TMED3: variants seen among roughly 807,000 people sequenced by gnomAD.
The protein encoded by TMED3 is transmembrane p24 trafficking protein 3.
Under a neutral mutation model 15.0 loss-of-function variants are expected in TMED3, and 9 were observed. That is an observed-to-expected ratio of 0.60 (90% CI 0.36 to 1.04). The LOEUF is 1.04. Among genes scored for constraint, TMED3 ranks in the 50% least tolerant of loss-of-function variants. The pLI is 0.01. For synonymous variants in TMED3, 117 were observed against 121.4 expected, an observed-to-expected ratio of 0.96 and a Z score of 0.24; for missense variants, 267 against 278.9, an observed-to-expected ratio of 0.96 and a Z score of 0.30.
chr15:79,407,442 C>T (rs1017351972), intron 2 of TMED3, among the ~76,000 whole-genome samples: 1 of 152,160 alleles, frequency 6.6e-6, no homozygotes, highest in East Asian at 1.9e-4. Flanking sequence ...TGGACTATTT[C>T]TTCCCAAAGT....
At chr15:79,403,220 CAAAAAAAA>C (rs71150908) in intron 2 of TMED3, among the ~76,000 whole-genome samples, 5 of 65,418 alleles carry the variant, frequency 7.6e-5, no homozygotes, top group African/African-American at 1.5e-4. Flanking sequence ...GACTCTGTCT[CAAAAAAAA>C]AAAAAAAAAA....
chr15:79,407,511 A>G (rs1167006336), intron 2 of TMED3, among the ~76,000 whole-genome samples: 1 of 152,168 alleles, frequency 6.6e-6, no homozygotes, highest in Admixed American at 6.5e-5. Flanking sequence ...GTTGATCTGG[A>G]GGCAATGAGG....
chr15:79,401,214 A>G (rs141504500), intron 2 of TMED3, among the ~76,000 whole-genome samples: 85 of 152,370 alleles, frequency 5.6e-4, no homozygotes, highest in African/African-American at 1.9e-3. Context: ...GTATGATTGA[A>G]TGAATGAAAT....
chr15:79,400,661 A>G (rs1485236703), intron 2 of TMED3, among the ~76,000 whole-genome samples: 1 of 152,184 alleles, frequency 6.6e-6, no homozygotes, highest in Non-Finnish European at 1.5e-5. Flanking sequence ...TTTTAGTACA[A>G]TTTTGTGTAT....
intron 1 of TMED3, among the ~76,000 whole-genome samples, chr15:79,312,157 A>G (rs2058718558): frequency 6.6e-6 from 1 of 152,202 alleles, no homozygotes. Flanking sequence ...TCAGACAGCT[A>G]TCTGCTTGTG....
At chr15:79,314,072 C>G in intron 2 of TMED3, 67 bp downstream of exon 2, 3 of 1,576,418 alleles carry the variant, frequency 1.9e-6, no homozygotes, top group East Asian at 4.5e-5. Context: ...TGGCCTCTGT[C>G]TAGGCTGGTG....
At chr15:79,317,219 G>A (rs1047745157) in intron 2 of TMED3, among the ~76,000 whole-genome samples, 2 of 152,186 alleles carry the variant, frequency 1.3e-5, no homozygotes, top group Non-Finnish European at 2.9e-5. Flanking sequence ...TGCAGTCTCC[G>A]TGCCGGTTTC....
intron 2 of TMED3, among the ~76,000 whole-genome samples, chr15:79,341,227 A>G (rs955661993): frequency 2.8e-4 from 3 of 10,862 alleles, no homozygotes; most frequent in African/African-American, 1.3e-3. Flanking sequence ...AAGGTGAAGA[A>G]AGAAAGCCAG....
chr15:79,404,861 C>T (rs1893882166), intron 2 of TMED3, among the ~76,000 whole-genome samples: 2 of 152,228 alleles, frequency 1.3e-5, no homozygotes, highest in South Asian at 4.1e-4. Flanking sequence ...CTTTGTTTAG[C>T]ATCAACATAA....
intron 2 of TMED3, among the ~76,000 whole-genome samples, chr15:79,353,312 T>C (rs1181348094): frequency 2.5e-5 from 1 of 39,590 alleles, no homozygotes; most frequent in Non-Finnish European, 6.5e-5. Context: ...ATATATTATA[T>C]ATATAATATA....
At chr15:79,332,124 A>C (rs1219694474) in intron 2 of TMED3, among the ~76,000 whole-genome samples, 3 of 152,234 alleles carry the variant, frequency 2.0e-5, no homozygotes, top group Non-Finnish European at 2.9e-5. Flanking sequence ...CCAAATGAAA[A>C]GTGAGGCAAT....
chr15:79,369,372 C>A (rs182550996), intron 2 of TMED3, among the ~76,000 whole-genome samples: 8 of 152,152 alleles, frequency 5.3e-5, no homozygotes, highest in Non-Finnish European at 1.0e-4. Flanking sequence ...CTAGCTTGAC[C>A]GCCTGGTAAG....
chr15:79,361,021 T>G (rs1420938628), intron 2 of TMED3, among the ~76,000 whole-genome samples: 1 of 149,140 alleles, frequency 6.7e-6, no homozygotes. Flanking sequence ...GCTAATTGTG[T>G]TTTATTTTTA....
Position 79,313,985 on chromosome 15 carries a change from A to G in TMED3, c.397A>G (p.Arg133Gly). 1.2e-6 allele frequency: 2 copies of G among 1,614,090 alleles called. No individual in the cohort carries two copies. Among genetic ancestry groups the G allele is most frequent in the South Asian group, 1.1e-5 (1 of 91,068 alleles). ...TCCCATTCTCCCAGACATGGGGAAC[A>G]GGGTCACAGCTCTCACCCAGGTGAG... ...EPPILPDMGN[R>G]VTALTQMESA... Residue 133 changes from arginine (R) to glycine (G), a missense_variant, in exon 2 of 3, where the codon AGG (arginine) becomes GGG (glycine). By Grantham distance (125) the Arg-to-Gly change is moderately radical. Coordinates refer to ENST00000299705, the MANE Select transcript of TMED3 (RefSeq NM_007364.4).
chr15:79,393,335 G>GCTA (rs1893720811), intron 2 of TMED3, among the ~76,000 whole-genome samples: 1 of 152,172 alleles, frequency 6.6e-6, no homozygotes, highest in Non-Finnish European at 1.5e-5. Flanking sequence ...AAACTGAGTA[G>GCTA]CTACTATCTG....
intron 2 of TMED3, among the ~76,000 whole-genome samples, chr15:79,369,094 A>C (rs944268442): frequency 4.2e-5 from 4 of 94,356 alleles, no homozygotes; most frequent in African/African-American, 2.0e-4. Context: ...ACTCTGTCTT[A>C]AAAAAAAAAA....
intron 2 of TMED3, chr15:79,383,119 T>G (rs2141250429): frequency 8.4e-7 from 1 of 1,196,800 alleles, no homozygotes; most frequent in East Asian, 2.5e-5. Context: ...ACCCACAGCT[T>G]TACTGCCATG....
chr15:79,395,973 A>G (rs1893757386), intron 2 of TMED3, among the ~76,000 whole-genome samples: 1 of 152,218 alleles, frequency 6.6e-6, no homozygotes, highest in Non-Finnish European at 1.5e-5. Flanking sequence ...CAATCTGGGA[A>G]ATATTTTTTC....
chr15:79,312,127 G>A (rs987793052), intron 1 of TMED3, among the ~76,000 whole-genome samples: 2 of 152,154 alleles, frequency 1.3e-5, no homozygotes, highest in East Asian at 1.9e-4. Flanking sequence ...CTAGGGTTGG[G>A]GGCCAAGTGG....
Sources: allele counts gnomAD v4.1 joint callset (sites outside exome capture counted in the v4.1 genomes callset), GRCh38; gene constraint gnomAD v4.1.1; transcripts MANE v1.5; gene names NCBI Gene and HGNC (gene_info 2026-07-23, HGNC 2026-07-21).